THAP4: variants seen among roughly 807,000 people sequenced by gnomAD.
The protein encoded by THAP4 is THAP domain containing 4.
In THAP4, 18 loss-of-function variants were observed where a neutral mutation model predicts 48.1. The observed-to-expected ratio is 0.37, with a 90% CI of 0.26 to 0.56. The LOEUF is 0.56. Ranked by LOEUF, THAP4 falls within the 20% of genes least tolerant of loss-of-function variation. The pLI, the probability that THAP4 is intolerant of heterozygous loss-of-function variation, is 0.78. For synonymous variants in THAP4, 345 were observed against 324.9 expected (o/e 1.06, Z -0.66); for missense variants, 656 against 774.9 (o/e 0.85, Z 1.82).
At chr2:241,599,711 C>A (rs4675922) in intron 5 of THAP4, among the ~76,000 whole-genome samples, 3,466 of 152,238 alleles carry the variant, frequency 0.023, 182 homozygotes, top group East Asian at 0.17. Context: ...CAAATTCATT[C>A]ATGTATTCAA....
Position 241,606,244 on chromosome 2 carries a change from T to A in THAP4, c.1400+70A>T, listed in dbSNP as rs934776733. ...CTGCTTGGCCTTTGTCTTTGATCAG[T>A]CTGGAATTATTTTCAGAGACCTAGG... On this transcript the variant is annotated intron_variant, in intron 3 of 5. Transcript: ENST00000407315. 9.2e-6 allele frequency: 13 copies of A among 1,412,854 alleles called. No individual in the cohort carries two copies. The Admixed American group carries it at 2.9e-4, about 32-fold the overall frequency. The allele number at this position is 1,412,854 out of a possible 1,614,324, so 87.5% of individuals were successfully genotyped here.
intron 2 of THAP4, among the ~76,000 whole-genome samples, chr2:241,621,702 G>A (rs2067430802): frequency 1.3e-5 from 2 of 152,112 alleles, no homozygotes; most frequent in Non-Finnish European, 2.9e-5. Context: ...GATAAAAGGA[G>A]CAGAAGTATT....
Position 241,633,530 on chromosome 2 carries a change from G to A in THAP4, c.627C>T (p.Gly209=), listed in dbSNP as rs762410356. The A allele has an allele frequency of 1.5e-5, 24 of 1,613,902 alleles. No homozygotes were observed. The African/African-American group carries it at 1.9e-4, about 13-fold the overall frequency. The change falls in exon 2 of 6, where the codon GGC becomes GGT. Residue 209 remains glycine, a synonymous_variant. Transcript: ENST00000407315. The surrounding 1 kb of genome is among the most constrained non-coding windows in gnomAD (Gnocchi z 7.5). ...TAGAAATGCCACTCTTATCTGTCACGCCCCCTTCGATGGAGGAAGTGGCGC... is the reference window on the plus strand; with the variant it reads ...TAGAAATGCCACTCTTATCTGTCACACCCCCTTCGATGGAGGAAGTGGCGC... ...DESATSSIEG[G]VTDKSGISMD...
At chr2:241,617,751 C>T (rs2067365355) in intron 2 of THAP4, among the ~76,000 whole-genome samples, 3 of 152,302 alleles carry the variant, frequency 2.0e-5, no homozygotes, top group East Asian at 1.9e-4. Context: ...CAGAGGAAGG[C>T]AACACCACAG....
chr2:241,629,068 A>C (rs758502689), intron 2 of THAP4, among the ~76,000 whole-genome samples: 8 of 152,148 alleles, frequency 5.3e-5, no homozygotes, highest in Non-Finnish European at 1.0e-4. Flanking sequence ...GGGGAATAAG[A>C]AGCACCGGAA....
rs868401555 is a variant in THAP4 at position 241,590,301 on chromosome 2, T to C, written c.1615-5576A>G. Among the ~76,000 whole-genome samples, 45 of 141,780 alleles carry C rather than the reference T, an allele frequency of 3.2e-4. No individual in the cohort carries two copies. The South Asian group carries it at 6.6e-3, about 21-fold the overall frequency. 93.0% of individuals were successfully genotyped at this position (141,780 alleles called of 152,430 possible). A position where few individuals can be genotyped will look rare whatever the true frequency, so the allele number is the denominator to read the frequency against. On this transcript the variant is annotated intron_variant, in intron 5 of 5. Coordinates refer to ENST00000407315, the MANE Select transcript of THAP4 (RefSeq NM_015963.6). ...AGGACACTCAGAGCTGCCCGGCTGA[T>C]GATGAGGGGCACTAGGACACTCAGA... is the stretch of plus-strand genomic sequence containing the variant.
At chr2:241,599,601 A>G (rs2067088574) in intron 5 of THAP4, among the ~76,000 whole-genome samples, 1 of 152,192 alleles carries the variant, frequency 6.6e-6, no homozygotes, top group Non-Finnish European at 1.5e-5. Context: ...AAAGAAATAA[A>G]GCTTTTCTAT....
rs539010263 is a variant in THAP4, at chr2:241,619,768, GGTGA to G, written c.1240+13145_1240+13148del. On this transcript the variant is annotated intron_variant, in intron 2 of 5. Coordinates refer to ENST00000407315, the MANE Select transcript of THAP4 (RefSeq NM_015963.6). ...GGGGTGAGTGAGTTGGTGAGTGAGG[GGTGA>G]GTGAGTCGGTGAGTGAGGGGTGCGT... 3.2e-3 allele frequency among the ~76,000 whole-genome samples: 455 copies of G among 142,180 alleles called. 7 individuals carry two copies. The highest frequency in any genetic ancestry group is 0.012 in the African/African-American group (432 of 37,562). 93.3% of individuals were successfully genotyped at this position (142,180 alleles called of 152,430 possible).
At chr2:241,590,631 G>A (rs62192982) in intron 5 of THAP4, among the ~76,000 whole-genome samples, 390 of 3,322 alleles carry the variant, frequency 0.12, no homozygotes, top group African/African-American at 0.15. Context: ...ACTAGGACAC[G>A]CAGAGCTGCC....
chr2:241,631,783 T>C lies in THAP4; in HGVS notation c.1240+1134A>G, dbSNP rs567528600. Among the ~76,000 whole-genome samples, 9 of 152,330 alleles carry C rather than the reference T, an allele frequency of 5.9e-5. No individual in the cohort carries two copies. In the East Asian group the frequency reaches 1.7e-3, roughly 29 times the overall value. On this transcript the variant is annotated intron_variant, in intron 2 of 5. Transcript: ENST00000407315. Reference sequence around the variant, plus strand: ...CCTGGCTTACACACCAAATTTTTAATAACAACAAGGAATAGAACTTGGGAG... The same window carrying C: ...CCTGGCTTACACACCAAATTTTTAACAACAACAAGGAATAGAACTTGGGAG...
intron 5 of THAP4, among the ~76,000 whole-genome samples, chr2:241,589,781 T>C (rs1223129123): frequency 6.6e-6 from 1 of 151,976 alleles, no homozygotes; most frequent in Non-Finnish European, 1.5e-5. Flanking sequence ...ACAAATAAAA[T>C]AAACATCCAT....
intron 2 of THAP4, among the ~76,000 whole-genome samples, chr2:241,624,046 C>G (rs1473410252): frequency 6.6e-6 from 1 of 152,158 alleles, no homozygotes; most frequent in Non-Finnish European, 1.5e-5. Flanking sequence ...GTAGTGGGTC[C>G]CAGGTTACTC....
chr2:241,610,402 G>C lies in THAP4; in HGVS notation c.1241-3929C>G, dbSNP rs1397519451. 6.6e-6 allele frequency among the ~76,000 whole-genome samples: 1 copy of C among 152,200 alleles called. No homozygotes were observed. The highest frequency in any genetic ancestry group is 1.5e-5 in the Non-Finnish European group (1 of 68,028). On this transcript the variant is annotated intron_variant, in intron 2 of 5. Transcript: ENST00000407315. This position sits in a 1 kb window ranked among gnomAD's most constrained non-coding sequence, Gnocchi z 4.2. ...CGCCACCGCGCCCTGTTTGGGGAGC[G>C]GCAGAGGAGTCAGGGCGGAGGCTGG...
At chr2:241,629,472 TAA>T (rs201986582) in intron 2 of THAP4, among the ~76,000 whole-genome samples, 20 of 137,830 alleles carry the variant, frequency 1.5e-4, no homozygotes, top group South Asian at 4.6e-4. Context: ...CCCTGTCTCT[TAA>T]AAAAAAAAAA....
chr2:241,605,789 C>T (rs1223658144), intron 3 of THAP4, among the ~76,000 whole-genome samples: 2 of 151,820 alleles, frequency 1.3e-5, no homozygotes, highest in Non-Finnish European at 2.9e-5. Context: ...GATCACAGCT[C>T]ACTGTAGCCT....
At chr2:241,637,429 C>CT, upstream of THAP4, 1 of 1,465,360 alleles carries the variant, frequency 6.8e-7, no homozygotes. Flanking sequence ...CCTGGGTCCT[C>CT]TAAGAGGAGG....
intron 2 of THAP4, among the ~76,000 whole-genome samples, chr2:241,617,176 ACTT>A (rs1443754757): frequency 2.0e-5 from 3 of 152,338 alleles, no homozygotes; most frequent in Non-Finnish European, 2.9e-5. Flanking sequence ...TGTAAATTAT[ACTT>A]CATTAGAAAA....
In THAP4 at chr2:241,633,316, C is replaced by T. The variant is rs2067591910; in HGVS notation, c.841G>A (p.Ala281Thr). 2 of 1,612,258 alleles carry T rather than the reference C, an allele frequency of 1.2e-6. No individual in the cohort carries two copies. Among genetic ancestry groups the T allele is most frequent in the East Asian group, 4.5e-5 (2 of 44,870 alleles). Residue 281 changes from alanine (A) to threonine (T), a missense_variant, in exon 2 of 6, where the codon GCC becomes ACC. Coordinates refer to ENST00000407315, the MANE Select transcript of THAP4 (RefSeq NM_015963.6). This position sits in a 1 kb window ranked among gnomAD's most constrained non-coding sequence, Gnocchi z 7.5. ...AGTGATGAGCTGGGAGGGCTCTGGG[C>T]CAGGCCCTTGTCGGGTCCCAGGCTG... Reference protein sequence around the residue: ...GSSLGPDKGLAQSPPSSSLTA... With the variant: ...GSSLGPDKGLTQSPPSSSLTA...
chr2:241,600,236 T>G (rs2067095432), intron 5 of THAP4, among the ~76,000 whole-genome samples: 1 of 151,982 alleles, frequency 6.6e-6, no homozygotes, highest in Non-Finnish European at 1.5e-5. Flanking sequence ...ACCCCTATAT[T>G]TATGTGGATG....
Sources: gnomAD v4.1 joint callset for allele counts (sites outside exome capture counted in the v4.1 genomes callset) on GRCh38, gnomAD v4.1.1 for gene constraint, Gnocchi (gnomAD v3.1) non-coding constraint, MANE v1.5 for transcripts, NCBI Gene and HGNC (gene_info 2026-07-23, HGNC 2026-07-21) for gene names.